ASIC2: variants seen among roughly 807,000 people sequenced by gnomAD.
ASIC2 encodes acid-sensing ion channel 2.
In ASIC2, 25 loss-of-function variants were observed where a neutral mutation model predicts 57.3. The ratio of observed to expected loss-of-function variants is 0.44; its 90% CI spans 0.32 to 0.61. The LOEUF (loss-of-function observed/expected upper bound fraction) is 0.61. Among genes scored for constraint, ASIC2 ranks in the 20% least tolerant of loss-of-function variants. ASIC2 has a pLI of 0.06. For synonymous variants in ASIC2, 319 were observed against 307.5 expected (o/e 1.04, Z -0.39); for missense variants, 641 against 738.1 (o/e 0.87, Z 1.52).
intron 1 of ASIC2, among the ~76,000 whole-genome samples, chr17:33,126,776 C>G (rs1031091645): frequency 6.6e-6 from 1 of 151,538 alleles, no homozygotes; most frequent in South Asian, 2.1e-4. Flanking sequence ...CAGAGCAAGA[C>G]TGCTGCAAAT....
intron 1 of ASIC2, among the ~76,000 whole-genome samples, chr17:33,222,773 G>A (rs1907731242): frequency 1.3e-5 from 2 of 152,152 alleles, no homozygotes; most frequent in African/African-American, 4.8e-5. Context: ...AGAGCATCTT[G>A]TGCAAAATAC....
At chr17:33,895,307 C>A (rs1322565242) in intron 1 of ASIC2, among the ~76,000 whole-genome samples, 1 of 152,066 alleles carries the variant, frequency 6.6e-6, no homozygotes, top group Non-Finnish European at 1.5e-5. Flanking sequence ...GGATTACAGA[C>A]ATGCACCACC....
chr17:33,220,559 A>G (rs1000395864), intron 1 of ASIC2, among the ~76,000 whole-genome samples: 4 of 152,160 alleles, frequency 2.6e-5, no homozygotes, highest in Non-Finnish European at 5.9e-5. Context: ...AATTCATTTA[A>G]TTTCTCTAGG....
At chr17:33,254,918 G>T (rs1455294646) in intron 1 of ASIC2, among the ~76,000 whole-genome samples, 1 of 151,828 alleles carries the variant, frequency 6.6e-6, no homozygotes, top group Non-Finnish European at 1.5e-5. Flanking sequence ...GTTACCACTG[G>T]TTGGGGAGTT....
At chr17:33,441,072 G>C (rs1400522516) in intron 1 of ASIC2, among the ~76,000 whole-genome samples, 1 of 152,078 alleles carries the variant, frequency 6.6e-6, no homozygotes, top group Non-Finnish European at 1.5e-5. Flanking sequence ...GGGCTTGAGT[G>C]ATCCTCCCAC....
chr17:34,079,496 G>A (rs1909799239), intron 1 of ASIC2, among the ~76,000 whole-genome samples: 1 of 152,198 alleles, frequency 6.6e-6, no homozygotes, highest in Non-Finnish European at 1.5e-5. Flanking sequence ...CTCACTTGTT[G>A]CTCCATTGGA....
chr17:33,873,029 A>G (rs1914460120), intron 1 of ASIC2, among the ~76,000 whole-genome samples: 2 of 152,136 alleles, frequency 1.3e-5, no homozygotes, highest in Non-Finnish European at 2.9e-5. Flanking sequence ...GAACTTCAAG[A>G]AAAAATCTGA....
intron 1 of ASIC2, among the ~76,000 whole-genome samples, chr17:33,283,343 C>T (rs999465637): frequency 6.6e-6 from 1 of 152,196 alleles, no homozygotes; most frequent in Non-Finnish European, 1.5e-5. Flanking sequence ...TGTGGACCAG[C>T]AGCATCTGTA....
intron 1 of ASIC2, among the ~76,000 whole-genome samples, chr17:33,682,611 T>A (rs1908045683): frequency 6.6e-6 from 1 of 152,208 alleles, no homozygotes; most frequent in South Asian, 2.1e-4. Context: ...GATTTATGAA[T>A]TTAGCATGAT....
At position 33,259,829 on chromosome 17, in the gene ASIC2, C is replaced by G. The variant is rs568032532; in HGVS notation, c.708+31579G>C. Among the ~76,000 whole-genome samples the G allele has an allele frequency of 3.3e-5, 5 of 152,280 alleles. No individual in the cohort carries two copies. The South Asian group carries it at 6.2e-4, about 19-fold the overall frequency. On this transcript the variant is annotated intron_variant, in intron 1 of 9. Coordinates refer to ENST00000225823, the MANE Select transcript of ASIC2 (RefSeq NM_183377.2). ...ACTGTTGGCTCACAGATGCTGGGCTCTAACCCGAGAATGCTCTGGTTTGTG... is the reference window on the plus strand; with the variant it reads ...ACTGTTGGCTCACAGATGCTGGGCTGTAACCCGAGAATGCTCTGGTTTGTG...
chr17:33,362,208 A>G (rs898280706), intron 1 of ASIC2, among the ~76,000 whole-genome samples: 2 of 152,176 alleles, frequency 1.3e-5, no homozygotes, highest in African/African-American at 4.8e-5. Flanking sequence ...AATCTGATGA[A>G]CAATTTAGCC....
intron 1 of ASIC2, among the ~76,000 whole-genome samples, chr17:33,925,749 A>G (rs1261186221): frequency 6.6e-6 from 1 of 152,074 alleles, no homozygotes; most frequent in Non-Finnish European, 1.5e-5. Flanking sequence ...TTCAGTTTTG[A>G]CTTGCCCTGG....
chr17:34,152,722 C>A (rs533237300), intron 1 of ASIC2, among the ~76,000 whole-genome samples: 1 of 152,292 alleles, frequency 6.6e-6, no homozygotes, highest in South Asian at 2.1e-4. Flanking sequence ...CTAGAGAGGA[C>A]GCAAGATACA....
In ASIC2 at chr17:33,885,084, G is replaced by A. The variant is rs181229483; in HGVS notation, c.555+270894C>T. On this transcript the variant is annotated intron_variant, in intron 1 of 9. Transcript: ENST00000359872. ...CCTACTTACCAGCTCCACTGCCTGC[G>A]CACACAGTAGAGTTTCAGGCCTCTC... 2.6e-3 allele frequency among the ~76,000 whole-genome samples: 390 copies of A among 152,228 alleles called. 4 individuals carry two copies. The highest frequency in any genetic ancestry group is 8.9e-3 in the African/African-American group (369 of 41,526).
chr17:34,075,619 A>C lies in ASIC2; in HGVS notation c.555+80359T>G, dbSNP rs59518912. 6.0e-3 allele frequency among the ~76,000 whole-genome samples: 914 copies of C among 152,164 alleles called. 11 individuals are homozygous for C. The highest frequency in any genetic ancestry group is 0.021 in the African/African-American group (856 of 41,494). On this transcript the variant is annotated intron_variant, in intron 1 of 9. Transcript: ENST00000359872. Reference sequence around the variant, plus strand: ...GTACATATGGCACCACATGAAGAAGAAGCTACAACAGCCCACCCAATCTAG... The same window carrying C: ...GTACATATGGCACCACATGAAGAAGCAGCTACAACAGCCCACCCAATCTAG...
chr17:33,603,394 G>A (rs999021844), intron 1 of ASIC2, among the ~76,000 whole-genome samples: 2 of 141,970 alleles, frequency 1.4e-5, no homozygotes, highest in Non-Finnish European at 3.1e-5. Context: ...ACCATTAACT[G>A]CAGAGAAGCT....
At chr17:33,303,675 TC>T (rs775470533) in intron 1 of ASIC2, among the ~76,000 whole-genome samples, 10 of 152,138 alleles carry the variant, frequency 6.6e-5, no homozygotes, top group Non-Finnish European at 1.3e-4. Context: ...CAGTTCTTCC[TC>T]CCTTTTTCCC....
chr17:33,904,180 A>AAAG (rs1555571108), intron 1 of ASIC2, among the ~76,000 whole-genome samples: 2 of 151,154 alleles, frequency 1.3e-5, no homozygotes. Flanking sequence ...AAAAAAAAAA[A>AAAG]AAAAAAAGAA....
At chr17:33,557,562 C>T (rs971265408) in intron 1 of ASIC2, among the ~76,000 whole-genome samples, 1 of 152,152 alleles carries the variant, frequency 6.6e-6, no homozygotes, top group Non-Finnish European at 1.5e-5. Flanking sequence ...AACCATTCTG[C>T]ATTGGTGGAA....
Sources: allele counts gnomAD v4.1 joint callset (sites outside exome capture counted in the v4.1 genomes callset), GRCh38; gene constraint gnomAD v4.1.1; transcripts MANE v1.5; gene names NCBI Gene and HGNC (gene_info 2026-07-23, HGNC 2026-07-21).